The following MFSD6 variants were observed in gnomAD, a reference collection of about 807,000 sequenced individuals.
MFSD6 encodes major facilitator superfamily domain containing 6, also known as major facilitator superfamily domain-containing protein 6.
Under a neutral mutation model 56.3 loss-of-function variants are expected in MFSD6, and 26 were observed. The observed-to-expected ratio is 0.46, with a 90% CI of 0.34 to 0.64. The LOEUF (loss-of-function observed/expected upper bound fraction) is 0.64, where lower values mean the gene tolerates loss of function less well. Ranked by LOEUF, MFSD6 falls within the 30% of genes least tolerant of loss-of-function variation. The pLI is 0.01. For missense variants in MFSD6, 750 were observed against 986.2 expected (o/e 0.76, Z 3.21); for synonymous variants, 331 against 366.9 (o/e 0.90, Z 1.12).
At chr2:190,420,932 G>A (rs985996323) in intron 2 of MFSD6, among the ~76,000 whole-genome samples, 3 of 152,152 alleles carry the variant, frequency 2.0e-5, no homozygotes, top group Non-Finnish European at 2.9e-5. Flanking sequence ...GATACTGAAT[G>A]TCATATTACA....
In MFSD6 at chr2:190,447,239, G is replaced by T. The variant is rs925523639; in HGVS notation, c.1532+9678G>T. On this transcript the variant is annotated intron_variant, in intron 3 of 7. Coordinates refer to ENST00000392328, the MANE Select transcript of MFSD6 (RefSeq NM_017694.4). This position sits in a 1 kb window ranked among gnomAD's most constrained non-coding sequence, Gnocchi z 4.5. ...TCTAATCAGAGAACACAAAGTTAGT[G>T]ATTTCAATTTTGTTTTGTTTTGTTT... Among the ~76,000 whole-genome samples, 1 of 152,184 alleles carries T rather than the reference G, an allele frequency of 6.6e-6. No homozygotes were observed. The highest frequency in any genetic ancestry group is 2.4e-5 in the African/African-American group (1 of 41,442).
At chr2:190,468,668 AG>A (rs1239432088) in intron 3 of MFSD6, among the ~76,000 whole-genome samples, 7 of 145,488 alleles carry the variant, frequency 4.8e-5, no homozygotes, top group Non-Finnish European at 1.0e-4. Context: ...TATGTTGCCC[AG>A]GCTGGTCTTG....
intron 2 of MFSD6, among the ~76,000 whole-genome samples, chr2:190,429,923 T>C (rs1559106683): frequency 2.6e-5 from 4 of 152,144 alleles, no homozygotes; most frequent in Admixed American, 2.0e-4. Flanking sequence ...TGTATACATG[T>C]GCCATGTTGG....
rs1471953262 is a variant in MFSD6, at chr2:190,418,005, T to TGTGA, written c.-54+2593_-54+2594insTGAG. ...GTGTGTGTGTGTGTGTGTGTGTATG[T>TGTGA]GAGAGAGAGAGAGATGTGGTTTATC... On this transcript the variant is annotated intron_variant, in intron 2 of 7. Coordinates refer to ENST00000392328, the MANE Select transcript of MFSD6 (RefSeq NM_017694.4). This position sits in a 1 kb window ranked among gnomAD's most constrained non-coding sequence, Gnocchi z 4.1. Among the ~76,000 whole-genome samples, 140 of 150,016 alleles carry TGTGA rather than the reference T, an allele frequency of 9.3e-4. 1 individual carries two copies. Among genetic ancestry groups the TGTGA allele is most frequent in the African/African-American group, 3.3e-3 (134 of 40,896 alleles).
At position 190,497,885 on chromosome 2, in the gene MFSD6, G is replaced by GAC. The variant is rs142983854; in HGVS notation, c.2172+166_2172+167insAC. 839 of 770,696 alleles carry GAC rather than the reference G, an allele frequency of 1.1e-3. 5 individuals are homozygous for GAC. The African/African-American group carries it at 0.014, about 12-fold the overall frequency. 47.7% of individuals were successfully genotyped at this position (770,696 alleles called of 1,614,324 possible). On this transcript the variant is annotated intron_variant, in intron 7 of 7. Transcript: ENST00000392328. The surrounding 1 kb of genome is among the most constrained non-coding windows in gnomAD (Gnocchi z 5.2). Reference sequence around the variant, plus strand: ...ACTCTGTGAGCACTGAGTTAAAGAGGGTGTATACAAGGTCCCATAGAGAGA... The same window carrying GAC: ...ACTCTGTGAGCACTGAGTTAAAGAGGACGTGTATACAAGGTCCCATAGAGAGA...
Position 190,485,967 on chromosome 2 carries a change from A to G in MFSD6, c.1631-2690A>G, listed in dbSNP as rs960765503. On this transcript the variant is annotated intron_variant, in intron 4 of 7. Coordinates refer to ENST00000392328, the MANE Select transcript of MFSD6 (RefSeq NM_017694.4). This position sits in a 1 kb window ranked among gnomAD's most constrained non-coding sequence, Gnocchi z 5.1. ...TGACTTAAGTAATATCATCCCTGAT[A>G]ATTTTTTTATTATGCCAGATATTGT... 6.6e-6 allele frequency among the ~76,000 whole-genome samples: 1 copy of G among 152,224 alleles called. No homozygotes were observed. Among genetic ancestry groups the G allele is most frequent in the East Asian group, 1.9e-4 (1 of 5,194 alleles).
At chr2:190,449,615 C>A (rs1478088500) in intron 3 of MFSD6, among the ~76,000 whole-genome samples, 2 of 152,044 alleles carry the variant, frequency 1.3e-5, no homozygotes, top group Admixed American at 1.3e-4. Flanking sequence ...GGAACCAACC[C>A]AAATGTCCAA....
At chr2:190,445,190 A>G (rs1381252606) in intron 3 of MFSD6, among the ~76,000 whole-genome samples, 2 of 152,196 alleles carry the variant, frequency 1.3e-5, no homozygotes, top group Admixed American at 1.3e-4. Context: ...TACTTATCTC[A>G]TATTAAAGAG....
At position 190,412,556 on chromosome 2, in the gene MFSD6, C is replaced by T. The variant is rs1690602288; in HGVS notation, c.-175-2736C>T. 1 of 985,290 alleles carries T rather than the reference C, an allele frequency of 1.0e-6. No homozygotes were observed. Among genetic ancestry groups the T allele is most frequent in the African/African-American group, 1.7e-5 (1 of 57,306 alleles). 61.0% of individuals were successfully genotyped at this position (985,290 alleles called of 1,614,324 possible). A position where few individuals can be genotyped will look rare whatever the true frequency, so the allele number is the denominator to read the frequency against. ...TCCTTGGGCATAGCATTTTTGATTC[C>T]TGGGAAAAGCAAACAAACACATCTG... is the stretch of plus-strand genomic sequence containing the variant. On this transcript the variant is annotated intron_variant, in intron 1 of 7. Transcript: ENST00000392328. The surrounding 1 kb of genome is among the most constrained non-coding windows in gnomAD (Gnocchi z 4.1).
intron 1 of MFSD6, among the ~76,000 whole-genome samples, chr2:190,414,980 A>G (rs1251270493): frequency 5.9e-5 from 9 of 152,046 alleles, no homozygotes; most frequent in African/African-American, 1.9e-4. Flanking sequence ...GTTAAGTTCT[A>G]TTTTCCCATG....
intron 1 of MFSD6, chr2:190,411,201 C>T: frequency 1.1e-6 from 1 of 893,176 alleles, no homozygotes; most frequent in Non-Finnish European, 1.3e-6. Flanking sequence ...CGCTCTGTCA[C>T]CAGGCTGGAG....
chr2:190,430,227 T>C lies in MFSD6; in HGVS notation c.-53-5750T>C, dbSNP rs576910482. Among the ~76,000 whole-genome samples, 7 of 151,192 alleles carry C rather than the reference T, an allele frequency of 4.6e-5. No individual in the cohort carries two copies. In the East Asian group the frequency reaches 1.2e-3, roughly 25 times the overall value. ...TCATTCTTTTTTTTTTTTTTTTAAT[T>C]GATCATTCTTGGGTGTTTCTCGCAG... On this transcript the variant is annotated intron_variant, in intron 2 of 7. Transcript: ENST00000392328.
rs1690604936 is a variant in MFSD6, at chr2:190,412,623, C to T, written c.-175-2669C>T. 5.1e-6 allele frequency: 5 copies of T among 982,488 alleles called. No homozygotes were observed. Among genetic ancestry groups the T allele is most frequent in the Non-Finnish European group, 6.0e-6 (5 of 827,340 alleles). The allele number at this position is 982,488 out of a possible 1,614,324, so 60.9% of individuals were successfully genotyped here. On this transcript the variant is annotated intron_variant, in intron 1 of 7. Transcript: ENST00000392328. This position sits in a 1 kb window ranked among gnomAD's most constrained non-coding sequence, Gnocchi z 4.1. ...GGGCAATGAAAACACCTTAATGCCT[C>T]CACCAAGAACATTTCCTTTGAGTTT...
At position 190,489,720 on chromosome 2, in the gene MFSD6, A is replaced by C; in HGVS notation, c.1793-48A>C. On this transcript the variant is annotated intron_variant, in intron 5 of 7. Coordinates refer to ENST00000392328, the MANE Select transcript of MFSD6 (RefSeq NM_017694.4). The surrounding 1 kb of genome is among the most constrained non-coding windows in gnomAD (Gnocchi z 6.6). ...AAACTGATGGTTTTAGATGAGCGCT[A>C]TCTGCATTTCTTGGAATTACTCTAT... 6.5e-7 allele frequency: 1 copy of C among 1,536,960 alleles called. No homozygotes were observed. The highest frequency in any genetic ancestry group is 1.2e-5 in the South Asian group (1 of 86,734).
chr2:190,437,402 G>A lies in MFSD6; in HGVS notation c.1373G>A (p.Gly458Asp). 5 of 1,614,226 alleles carry A rather than the reference G, an allele frequency of 3.1e-6. No homozygotes were observed. The highest frequency in any genetic ancestry group is 4.2e-6 in the Non-Finnish European group (5 of 1,180,048). ...GTGCTGTTTGTGGCTTGGTTCATGG[G>A]TTTTGGATATGGCTTCGTGTTCACC... Reference protein sequence around the residue: ...GSVLFVAWFMGFGYGFVFTFL... With the variant: ...GSVLFVAWFMDFGYGFVFTFL... The change falls in exon 3 of 8, where the codon GGT (glycine) becomes GAT (aspartate). Residue 458 changes from glycine (G) to aspartate (D), a missense_variant. Gly to Asp is a moderately conservative substitution (Grantham distance 94). This residue lies in a region of MFSD6 where 125 missense variants were observed against 223.1 expected (regional missense o/e 0.56). Coordinates refer to ENST00000392328, the MANE Select transcript of MFSD6 (RefSeq NM_017694.4). The surrounding 1 kb of genome is among the most constrained non-coding windows in gnomAD (Gnocchi z 5.9).
In MFSD6 at chr2:190,500,101, G is replaced by A; in HGVS notation, c.2259G>A (p.Gln753=). ...CTCACTCTGACCCATCTAGAAACCAGCCATCCCCTGACGCAGCAGCATCTC... is the reference window on the plus strand; with the variant it reads ...CTCACTCTGACCCATCTAGAAACCAACCATCCCCTGACGCAGCAGCATCTC... The part of the protein sequence containing the change: ...CETHSDPSRN[Q]PSPDAAASQT... Residue 753 remains glutamine (Q), a synonymous_variant, in exon 8 of 8, where the codon CAG becomes CAA. Coordinates refer to ENST00000392328, the MANE Select transcript of MFSD6 (RefSeq NM_017694.4). The surrounding 1 kb of genome is among the most constrained non-coding windows in gnomAD (Gnocchi z 5.3). The A allele has an allele frequency of 6.2e-7, 1 of 1,614,196 alleles. No homozygotes were observed. The highest frequency in any genetic ancestry group is 1.3e-5 in the African/African-American group (1 of 75,028).
rs566952468 is a variant in MFSD6 at position 190,435,071 on chromosome 2, C to T, written c.-53-906C>T. Reference sequence around the variant, plus strand: ...GCAGTTCATCCCAAAACCAACCCCCCTCTCCATCTGAGGAAAAATTATCTT... The same window carrying T: ...GCAGTTCATCCCAAAACCAACCCCCTTCTCCATCTGAGGAAAAATTATCTT... On this transcript the variant is annotated intron_variant, in intron 2 of 7. Transcript: ENST00000392328. Among the ~76,000 whole-genome samples, 29 of 152,330 alleles carry T rather than the reference C, an allele frequency of 1.9e-4. 1 individual carries two copies. Among genetic ancestry groups the T allele is most frequent in the African/African-American group, 6.3e-4 (26 of 41,568 alleles).
chr2:190,469,732 T>TATTTTTATTTTTA lies in MFSD6; in HGVS notation c.1533-14_1533-13insAATTTTTATTTTT. The TATTTTTATTTTTA allele has an allele frequency of 1.0e-6, 1 of 964,550 alleles. No homozygotes were observed. The highest frequency in any genetic ancestry group is 2.6e-5 in the African/African-American group (1 of 38,502). The allele number at this position is 964,550 out of a possible 1,614,324, so 59.7% of individuals were successfully genotyped here. On this transcript the variant is annotated intron_variant, in intron 3 of 7. Transcript: ENST00000392328. This position sits in a 1 kb window ranked among gnomAD's most constrained non-coding sequence, Gnocchi z 5.3. ...TATTTTCCTTTGCTTTTTTTTATTT[T>TATTTTTATTTTTA]ATTTTTATTTTTTATTTTTTTTTAG...
Position 190,497,483 on chromosome 2 carries a change from G to C in MFSD6, c.1936G>C (p.Val646Leu), listed in dbSNP as rs368011115. ...AERIPVPSSP[V>L]PIATIDLVQQ... The stretch of plus-strand genomic sequence containing the variant: ...AAGAATTCCTGTTCCCTCCAGTCCC[G>C]TTCCTATAGCAACCATCGACTTGGT... Residue 646 changes from valine to leucine, a missense_variant, in exon 7 of 8, where the codon GTT (valine) becomes CTT (leucine). Around this residue, in one of 5 missense-constraint regions of MFSD6, gnomAD observed 172 missense variants for 203.9 expected, o/e 0.84. Coordinates refer to ENST00000392328, the MANE Select transcript of MFSD6 (RefSeq NM_017694.4). This position sits in a 1 kb window ranked among gnomAD's most constrained non-coding sequence, Gnocchi z 5.2. 10 of 1,613,944 alleles carry C rather than the reference G, an allele frequency of 6.2e-6. No homozygotes were observed. The highest frequency in any genetic ancestry group is 8.5e-6 in the Non-Finnish European group (10 of 1,180,016).
Sources: allele counts gnomAD v4.1 joint callset (sites outside exome capture counted in the v4.1 genomes callset), GRCh38; gene constraint gnomAD v4.1.1; regional missense constraint gnomAD v4.1.1; non-coding constraint Gnocchi (gnomAD v3.1); transcripts MANE v1.5; gene names NCBI Gene and HGNC (gene_info 2026-07-23, HGNC 2026-07-21).